The following SLC37A2 variants were observed in gnomAD, a reference collection of about 807,000 sequenced individuals.
The protein encoded by SLC37A2 is solute carrier family 37 member 2, also known as glucose-6-phosphate exchanger SLC37A2.
A neutral mutation model predicts 70.7 loss-of-function variants in SLC37A2; 59 were observed. The ratio of observed to expected loss-of-function variants is 0.83; its 90% CI spans 0.68 to 1.04. SLC37A2 has a LOEUF of 1.04. Among genes scored for constraint, SLC37A2 ranks in the 50% least tolerant of loss-of-function variants. SLC37A2 has a pLI of 0.00. For missense variants in SLC37A2, 580 were observed against 658.1 expected (o/e 0.88, Z 1.30); for synonymous variants, 257 against 262.1 (o/e 0.98, Z 0.19).
At chr11:125,072,372 G>T (rs541126131) in intron 1 of SLC37A2, among the ~76,000 whole-genome samples, 1 of 152,262 alleles carries the variant, frequency 6.6e-6, no homozygotes, top group African/African-American at 2.4e-5. Flanking sequence ...GTATCCGGTG[G>T]GGGGGAGGTG....
intron 13 of SLC37A2, 79 bp downstream of exon 13, chr11:125,084,952 G>C: frequency 6.3e-7 from 1 of 1,596,850 alleles, no homozygotes; most frequent in Middle Eastern, 1.7e-4. Flanking sequence ...GCCCACGGGG[G>C]GCACTGACAG....
intron 1 of SLC37A2, among the ~76,000 whole-genome samples, chr11:125,068,056 A>G (rs537320692): frequency 6.4e-4 from 97 of 152,308 alleles, no homozygotes; most frequent in African/African-American, 2.2e-3. Flanking sequence ...ACACATTGGC[A>G]TTCTAGAAGG....
chr11:125,069,515 C>G (rs765882969), intron 1 of SLC37A2, among the ~76,000 whole-genome samples: 1 of 152,154 alleles, frequency 6.6e-6, no homozygotes, highest in Non-Finnish European at 1.5e-5. Context: ...CAGTGTCTAG[C>G]GTAGTTGGTA....
In SLC37A2 at chr11:125,079,747, T is replaced by C. The variant is rs1015742810; in HGVS notation, c.514T>C (p.Phe172Leu). 1.4e-5 allele frequency: 22 copies of C among 1,609,410 alleles called. No individual in the cohort carries two copies. The highest frequency in any genetic ancestry group is 1.8e-5 in the Non-Finnish European group (21 of 1,177,836). The part of the protein sequence containing the change: ...PSVVTCVGNW[F>L]GKGKRGFIMG... ...TGTGGTGACCTGTGTTGGCAACTGGTTCGGGAAGGGGAAGTGAGTGTAACA... is the reference window on the plus strand; with the variant it reads ...TGTGGTGACCTGTGTTGGCAACTGGCTCGGGAAGGGGAAGTGAGTGTAACA... Residue 172 changes from phenylalanine to leucine, a missense_variant, in exon 6 of 18, where the codon TTC becomes CTC. By Grantham distance (22) the Phe-to-Leu change is conservative. Transcript: ENST00000403796.
At chr11:125,076,613 C>A in intron 1 of SLC37A2, 144 bp from the exon 2 acceptor site, 1 of 725,794 alleles carries the variant, frequency 1.4e-6, no homozygotes, top group Non-Finnish European at 2.3e-6. Context: ...TCCCAGCCTC[C>A]CCTTGGCCTC....
rs751445854 is a variant in SLC37A2 at position 125,074,005 on chromosome 11, C to T, written c.60-2752C>T. Among the ~76,000 whole-genome samples, 7 of 152,316 alleles carry T rather than the reference C, an allele frequency of 4.6e-5. No homozygotes were observed. In the East Asian group the frequency reaches 7.7e-4, roughly 17 times the overall value. ...CCACAGTTTGGCACCTGAGGCCCTG[C>T]GCCACGCCACCTGAGGCCCCTGCCC... On this transcript the variant is annotated intron_variant, in intron 1 of 17. Coordinates refer to ENST00000403796, the MANE Select transcript of SLC37A2 (RefSeq NM_001145290.2).
In SLC37A2 at chr11:125,086,403, A is replaced by C; in HGVS notation, c.1490+385A>C. 3 of 735,812 alleles carry C rather than the reference A, an allele frequency of 4.1e-6. No individual in the cohort carries two copies. In the South Asian group the frequency reaches 4.7e-5, roughly 12 times the overall value. The allele number at this position is 735,812 out of a possible 1,614,324, so 45.6% of individuals were successfully genotyped here. On this transcript the variant is annotated intron_variant, in intron 17 of 17. Coordinates refer to ENST00000403796, the MANE Select transcript of SLC37A2 (RefSeq NM_001145290.2). ...TAAAGACTTTCAACCTCAGCAGAGC[A>C]TGGTGCTTGGGAAGTGTTTTCCAAG...
At chr11:125,074,085 C>G (rs545644485) in intron 1 of SLC37A2, among the ~76,000 whole-genome samples, 1 of 152,172 alleles carries the variant, frequency 6.6e-6, no homozygotes, top group Non-Finnish European at 1.5e-5. Flanking sequence ...CAGATACCCC[C>G]ACTGAGGCGG....
intron 1 of SLC37A2, among the ~76,000 whole-genome samples, chr11:125,064,536 C>A (rs1008142790): frequency 8.5e-5 from 13 of 152,270 alleles, no homozygotes; most frequent in African/African-American, 2.9e-4. Flanking sequence ...CAATCCTGGG[C>A]AAAATGAGAC....
At position 125,084,330 on chromosome 11, in the gene SLC37A2, C is replaced by T. The variant is rs1949180421; in HGVS notation, c.1125+11C>T. The T allele has an allele frequency of 2.5e-6, 4 of 1,614,060 alleles. No individual in the cohort carries two copies. The African/African-American group carries it at 4.0e-5, about 16-fold the overall frequency. ...TTGGCTGCCCCCATGGTGCGTATAA[C>T]CCCGAGGGTGAAGTGCGAATGCATG... On this transcript the variant is annotated intron_variant, in intron 12 of 17. Transcript: ENST00000403796.
intron 7 of SLC37A2, 125 bp from the exon 8 acceptor site, chr11:125,081,296 G>C: frequency 4.4e-6 from 4 of 918,764 alleles, no homozygotes; most frequent in Non-Finnish European, 6.7e-6. Context: ...GCCACCTTAG[G>C]AGCTGGAGGC....
chr11:125,075,283 T>A (rs1418410074), intron 1 of SLC37A2, among the ~76,000 whole-genome samples: 1 of 152,186 alleles, frequency 6.6e-6, no homozygotes, highest in East Asian at 1.9e-4. Context: ...TCCCTCAGAT[T>A]CTAGAAGTCC....
chr11:125,076,922 A>G, intron 2 of SLC37A2, 84 bp downstream of exon 2: 2 of 1,321,400 alleles, frequency 1.5e-6, no homozygotes, highest in East Asian at 2.4e-5. Context: ...CCGAGGTTGC[A>G]CCTTCACCTG....
chr11:125,085,670 G>T lies in SLC37A2; in HGVS notation c.1421G>T (p.Cys474Phe), dbSNP rs767819696. 20 of 1,612,486 alleles carry T rather than the reference G, an allele frequency of 1.2e-5. No homozygotes were observed. Among genetic ancestry groups the T allele is most frequent in the Admixed American group, 3.3e-5 (2 of 60,006 alleles). ...CTCATCTCTGCCGACGTCCTAGCCT[G>T]CTTGGTAAGAGTCTTGGGGTACACA... is the stretch of plus-strand genomic sequence containing the variant. ...YMLISADVLA[C>F]LLLCRLVYKE... Residue 474 changes from cysteine (C) to phenylalanine (F), a missense_variant, in exon 16 of 18, where the codon TGC becomes TTC. Physicochemically the swap from Cys to Phe is radical, Grantham distance 205. Coordinates refer to ENST00000403796, the MANE Select transcript of SLC37A2 (RefSeq NM_001145290.2).
intron 14 of SLC37A2, 72 bp downstream of exon 14, chr11:125,085,211 A>G: frequency 6.8e-7 from 1 of 1,468,222 alleles, no homozygotes. Context: ...CTCCAGGTCC[A>G]TTTCTCCCTG....
In SLC37A2 at chr11:125,085,589, G is replaced by A. The variant is rs1949202658; in HGVS notation, c.1340G>A (p.Gly447Glu). 2.5e-6 allele frequency: 4 copies of A among 1,613,834 alleles called. No individual in the cohort carries two copies. The East Asian group carries it at 6.7e-5, about 27-fold the overall frequency. ...GTGCTCCATTCAGGTGCGGCTCTGG[G>A]GCCTCTGCTGGCTGGGCTCATCTCC... ...DGTGSIGAALGPLLAGLISPT... is the reference protein window; with the variant it reads ...DGTGSIGAALEPLLAGLISPT... The change falls in exon 16 of 18, where the codon GGG becomes GAG. Residue 447 changes from glycine to glutamate, a missense_variant. Transcript: ENST00000403796.
At chr11:125,071,163 C>G (rs1238299923) in intron 1 of SLC37A2, among the ~76,000 whole-genome samples, 2 of 152,144 alleles carry the variant, frequency 1.3e-5, no homozygotes, top group African/African-American at 4.8e-5. Context: ...TGTCACTGCT[C>G]TCCTGTTGGC....
At chr11:125,065,251 T>C (rs573424851) in intron 1 of SLC37A2, among the ~76,000 whole-genome samples, 17 of 152,238 alleles carry the variant, frequency 1.1e-4, no homozygotes, top group Admixed American at 7.2e-4. Context: ...TTTAAGAAAA[T>C]TCTTAGAAGG....
Position 125,079,621 on chromosome 11 carries a change from C to A in SLC37A2, c.451-63C>A. 3 of 1,368,764 alleles carry A rather than the reference C, an allele frequency of 2.2e-6. No homozygotes were observed. In the South Asian group the frequency reaches 3.8e-5, roughly 17 times the overall value. 84.8% of individuals were successfully genotyped at this position (1,368,764 alleles called of 1,614,324 possible). ...TTGAACCTCCTCAGCCCAGGGTGGT[C>A]AGAGCAGGGAGCCAGTCGCACAGCC... On this transcript the variant is annotated intron_variant, in intron 5 of 17. Coordinates refer to ENST00000403796, the MANE Select transcript of SLC37A2 (RefSeq NM_001145290.2).
Sources: gnomAD v4.1 joint callset for allele counts (sites outside exome capture counted in the v4.1 genomes callset) on GRCh38, gnomAD v4.1.1 for gene constraint, MANE v1.5 for transcripts, NCBI Gene and HGNC (gene_info 2026-07-23, HGNC 2026-07-21) for gene names.